Variants in OPCML observed in about 807,000 individuals in gnomAD.
OPCML encodes opioid-binding protein/cell adhesion molecule.
Under a neutral mutation model 37.8 loss-of-function variants are expected in OPCML, and 13 were observed. That is an observed-to-expected ratio of 0.34 (90% CI 0.22 to 0.55). The LOEUF (loss-of-function observed/expected upper bound fraction) is 0.55. Ranked by LOEUF, OPCML falls within the 20% of genes least tolerant of loss-of-function variation. OPCML has a pLI of 0.91. For synonymous variants in OPCML, 176 were observed against 168.8 expected, an observed-to-expected ratio of 1.04 and a Z score of -0.33; for missense variants, 341 against 435.6, an observed-to-expected ratio of 0.78 and a Z score of 1.93.
intron 5 of OPCML, 187 bp downstream of exon 5, chr11:132,437,035 T>C: frequency 1.2e-6 from 1 of 848,480 alleles, no homozygotes; most frequent in Non-Finnish European, 1.4e-6. Flanking sequence ...CTGAAAACTC[T>C]GGCAGTCACA....
intron 2 of OPCML, among the ~76,000 whole-genome samples, chr11:132,850,229 C>T (rs1048429561): frequency 3.9e-5 from 6 of 152,114 alleles, no homozygotes; most frequent in East Asian, 1.9e-4. Context: ...GGAAGGAAAG[C>T]GAGCCCTACT....
At chr11:133,201,331 G>T (rs1226569796) in intron 1 of OPCML, among the ~76,000 whole-genome samples, 1 of 149,118 alleles carries the variant, frequency 6.7e-6, no homozygotes, top group Non-Finnish European at 1.5e-5. Flanking sequence ...CATTGAATTG[G>T]ATTCCATAGC....
chr11:133,320,789 G>A (rs1162010844), intron 1 of OPCML, among the ~76,000 whole-genome samples: 1 of 152,176 alleles, frequency 6.6e-6, no homozygotes, highest in Non-Finnish European at 1.5e-5. Context: ...GGTCTGTGCT[G>A]TCTCTCCTTT....
At chr11:133,509,301 G>T (rs945940586) in intron 1 of OPCML, among the ~76,000 whole-genome samples, 1 of 152,150 alleles carries the variant, frequency 6.6e-6, no homozygotes, top group African/African-American at 2.4e-5. Flanking sequence ...GCTTCCACTT[G>T]TAAGTGAGAA....
chr11:133,091,051 A>G (rs531618132), intron 1 of OPCML, among the ~76,000 whole-genome samples: 1 of 152,298 alleles, frequency 6.6e-6, no homozygotes, highest in Non-Finnish European at 1.5e-5. Context: ...TCAAACCTGA[A>G]GACCCAGGGA....
intron 1 of OPCML, among the ~76,000 whole-genome samples, chr11:133,012,261 G>T (rs1238372867): frequency 6.6e-6 from 1 of 152,126 alleles, no homozygotes; most frequent in African/African-American, 2.4e-5. Context: ...TGTCAATAGT[G>T]TCAAGGTCGG....
chr11:133,102,649 C>T (rs998577181), intron 1 of OPCML, among the ~76,000 whole-genome samples: 1 of 152,068 alleles, frequency 6.6e-6, no homozygotes, highest in South Asian at 2.1e-4. Context: ...ACTCAGGAGG[C>T]TGAGGCAGGA....
intron 2 of OPCML, among the ~76,000 whole-genome samples, chr11:132,885,627 A>C (rs1429573460): frequency 6.6e-6 from 1 of 152,242 alleles, no homozygotes; most frequent in Non-Finnish European, 1.5e-5. Flanking sequence ...ATATTAAAAA[A>C]ATAATTTTTA....
At chr11:132,861,153 C>A (rs1004995833) in intron 2 of OPCML, among the ~76,000 whole-genome samples, 7 of 152,122 alleles carry the variant, frequency 4.6e-5, no homozygotes, top group African/African-American at 1.7e-4. Flanking sequence ...AACTCGTGTT[C>A]TTTATTTAAG....
chr11:132,550,766 C>T (rs1030764155), intron 3 of OPCML, among the ~76,000 whole-genome samples: 1 of 152,228 alleles, frequency 6.6e-6, no homozygotes, highest in African/African-American at 2.4e-5. Flanking sequence ...GTCCCCAACT[C>T]TACACTCCAC....
intron 4 of OPCML, among the ~76,000 whole-genome samples, chr11:132,455,605 G>A (rs1340103845): frequency 6.6e-6 from 1 of 152,082 alleles, no homozygotes; most frequent in South Asian, 2.1e-4. Flanking sequence ...TGCCAGTCCC[G>A]TCATTTTCAA....
Position 133,485,229 on chromosome 11 carries a change from G to C in OPCML, c.61+47035C>G, listed in dbSNP as rs73025640. Among the ~76,000 whole-genome samples, 396 of 152,250 alleles carry C rather than the reference G, an allele frequency of 2.6e-3. 1 individual carries two copies. The highest frequency in any genetic ancestry group is 7.1e-3 in the Admixed American group (109 of 15,282). ...GAAATATACAAAAAGCAATAGCTTTGTTTTACACCAGCATTAAGCAGTTAT... is the reference window on the plus strand; with the variant it reads ...GAAATATACAAAAAGCAATAGCTTTCTTTTACACCAGCATTAAGCAGTTAT... On this transcript the variant is annotated intron_variant, in intron 1 of 7. Transcript: ENST00000524381.
intron 1 of OPCML, among the ~76,000 whole-genome samples, chr11:133,238,086 G>C (rs1396539738): frequency 6.6e-6 from 1 of 152,206 alleles, no homozygotes; most frequent in African/African-American, 2.4e-5. Context: ...TATGTCCAGT[G>C]TCATGCAAGT....
intron 1 of OPCML, among the ~76,000 whole-genome samples, chr11:133,017,556 A>C (rs1947357338): frequency 6.6e-6 from 1 of 151,736 alleles, no homozygotes; most frequent in Non-Finnish European, 1.5e-5. Context: ...CACCCAGCTA[A>C]TTTTGTATTT....
chr11:132,937,920 T>G (rs1460192709), intron 2 of OPCML, among the ~76,000 whole-genome samples: 1 of 151,788 alleles, frequency 6.6e-6, no homozygotes, highest in Non-Finnish European at 1.5e-5. Context: ...ACCTCAGGGA[T>G]AGTGAAGACT....
chr11:132,773,760 TG>T (rs752648016), intron 2 of OPCML, among the ~76,000 whole-genome samples: 6 of 152,228 alleles, frequency 3.9e-5, no homozygotes, highest in African/African-American at 4.8e-5. Context: ...TCCTTTCTTC[TG>T]GATATTATCA....
chr11:133,090,794 A>G (rs980552128), intron 1 of OPCML, among the ~76,000 whole-genome samples: 13 of 152,326 alleles, frequency 8.5e-5, no homozygotes, highest in African/African-American at 2.6e-4. Flanking sequence ...AGATTGGGAA[A>G]ATTTTCAGCC....
At chr11:132,567,601 G>A (rs1426998471) in intron 3 of OPCML, among the ~76,000 whole-genome samples, 2 of 152,158 alleles carry the variant, frequency 1.3e-5, no homozygotes, top group South Asian at 2.1e-4. Context: ...GCAGGGGGAG[G>A]CAAGGTCATA....
intron 3 of OPCML, among the ~76,000 whole-genome samples, chr11:132,595,194 G>A (rs2096490568): frequency 6.6e-6 from 1 of 152,112 alleles, no homozygotes. Context: ...CATCAGGAAA[G>A]GGGAGGGGGA....
Sources: allele counts gnomAD v4.1 joint callset (sites outside exome capture counted in the v4.1 genomes callset), GRCh38; gene constraint gnomAD v4.1.1; transcripts MANE v1.5; gene names NCBI Gene and HGNC (gene_info 2026-07-23, HGNC 2026-07-21).